Variants in SEPTIN9 observed in about 807,000 individuals in gnomAD.
The protein encoded by SEPTIN9 is septin-9.
Under a neutral mutation model 56.6 loss-of-function variants are expected in SEPTIN9, and 13 were observed. The ratio of observed to expected loss-of-function variants is 0.23; its 90% CI spans 0.15 to 0.37. The LOEUF (loss-of-function observed/expected upper bound fraction) is 0.37, where lower values mean the gene tolerates loss of function less well. Ranked by LOEUF, SEPTIN9 falls within the 10% of genes least tolerant of loss-of-function variation. SEPTIN9 has a pLI of 1.00. For missense variants in SEPTIN9, 650 were observed against 823.1 expected, an observed-to-expected ratio of 0.79 and a Z score of 2.57; for synonymous variants, 332 against 334.1, an observed-to-expected ratio of 0.99 and a Z score of 0.07.
At chr17:77,457,227 G>A (rs1467949452) in intron 3 of SEPTIN9, among the ~76,000 whole-genome samples, 2 of 152,132 alleles carry the variant, frequency 1.3e-5, no homozygotes, top group Non-Finnish European at 2.9e-5. Context: ...CTCGGCCCTC[G>A]CTCTGGCTGC....
At chr17:77,325,516 C>T (rs760749443) in intron 2 of SEPTIN9, among the ~76,000 whole-genome samples, 30 of 152,154 alleles carry the variant, frequency 2.0e-4, no homozygotes, top group Non-Finnish European at 2.8e-4. Context: ...TGCTCCCTAC[C>T]GGGAAAGCCT....
At chr17:77,462,192 G>A (rs377756301) in intron 3 of SEPTIN9, among the ~76,000 whole-genome samples, 6 of 152,312 alleles carry the variant, frequency 3.9e-5, no homozygotes, top group East Asian at 1.9e-4. Context: ...ACTTGACACC[G>A]AGCCTTCATA....
intron 3 of SEPTIN9, among the ~76,000 whole-genome samples, chr17:77,424,843 G>C (rs1568058715): frequency 6.6e-6 from 1 of 152,192 alleles, no homozygotes; most frequent in Admixed American, 6.5e-5. Flanking sequence ...GGGCCCCCAA[G>C]TGAATGGGCA....
chr17:77,355,461 G>A (rs2034198516), intron 2 of SEPTIN9, among the ~76,000 whole-genome samples: 1 of 152,200 alleles, frequency 6.6e-6, no homozygotes, highest in Non-Finnish European at 1.5e-5. Context: ...TTCTGCCCCT[G>A]CACATTAGCC....
rs1322731727 is a variant in SEPTIN9, at chr17:77,329,374, C to T, written c.76+22177C>T. Among the ~76,000 whole-genome samples, 1 of 152,226 alleles carries T rather than the reference C, an allele frequency of 6.6e-6. No individual in the cohort carries two copies. Among genetic ancestry groups the T allele is most frequent in the Admixed American group, 6.5e-5 (1 of 15,290 alleles). ...GAGGCCACTGGATGCTGACAGGTGG[C>T]CGGCCCTGCCCAGCCTTGCACTGCC... is the stretch of plus-strand genomic sequence containing the variant. On this transcript the variant is annotated intron_variant, in intron 2 of 11. Coordinates refer to ENST00000427177, the MANE Select transcript of SEPTIN9 (RefSeq NM_001113491.2). The surrounding 1 kb of genome is among the most constrained non-coding windows in gnomAD (Gnocchi z 4.3).
In SEPTIN9 at chr17:77,319,924, T is replaced by C. The variant is rs2032843773; in HGVS notation, c.76+12727T>C. The stretch of plus-strand genomic sequence containing the variant: ...GAGAGGAGGCTGCCGGAAGCCGCAC[T>C]CGGGACCTCTGCAGCCACCGACCAG... On this transcript the variant is annotated intron_variant, in intron 2 of 11. Transcript: ENST00000427177. The surrounding 1 kb of genome is among the most constrained non-coding windows in gnomAD (Gnocchi z 5.3). The C allele has an allele frequency of 8.9e-7, 1 of 1,121,114 alleles. No individual in the cohort carries two copies. The highest frequency in any genetic ancestry group is 1.1e-6 in the Non-Finnish European group (1 of 914,194). The allele number at this position is 1,121,114 out of a possible 1,614,324, so 69.4% of individuals were successfully genotyped here. A position where few individuals can be genotyped will look rare whatever the true frequency, so the allele number is the denominator to read the frequency against.
chr17:77,473,494 G>C (rs568818916), intron 3 of SEPTIN9, among the ~76,000 whole-genome samples: 1 of 152,228 alleles, frequency 6.6e-6, no homozygotes, highest in East Asian at 1.9e-4. Flanking sequence ...CGGCCTCCCA[G>C]AGTGCCAAGT....
chr17:77,412,129 CAAAA>C (rs756030644), intron 3 of SEPTIN9, among the ~76,000 whole-genome samples: 806 of 67,362 alleles, frequency 0.012, 8 homozygotes, highest in African/African-American at 0.034. Flanking sequence ...GACTCCCTAT[CAAAA>C]AAAAAAAAAA....
rs372012553 is a variant in SEPTIN9, at chr17:77,401,940, G to A, written c.77-119G>A. 3 of 982,720 alleles carry A rather than the reference G, an allele frequency of 3.1e-6. No homozygotes were observed. The South Asian group carries it at 5.0e-5, about 16-fold the overall frequency. The allele number at this position is 982,720 out of a possible 1,614,324, so 60.9% of individuals were successfully genotyped here. On this transcript the variant is annotated intron_variant, in intron 2 of 11. Transcript: ENST00000427177. ...TGCTGAGACATGAAGGACGGGAAGA[G>A]ACCCCCGGCCCTCACCGCCGCATCG...
intron 2 of SEPTIN9, chr17:77,380,282 C>T: frequency 8.7e-6 from 1 of 115,094 alleles, no homozygotes; most frequent in Non-Finnish European, 2.0e-5. Context: ...CCCATGCCTG[C>T]CTCCACTGCT....
At chr17:77,360,663 C>T (rs2034386247) in intron 2 of SEPTIN9, among the ~76,000 whole-genome samples, 1 of 151,862 alleles carries the variant, frequency 6.6e-6, no homozygotes, top group Admixed American at 6.6e-5. Context: ...CTCCCTGGTT[C>T]ACACCATTCT....
chr17:77,344,585 C>T (rs945448129), intron 2 of SEPTIN9, among the ~76,000 whole-genome samples: 1 of 152,290 alleles, frequency 6.6e-6, no homozygotes, highest in African/African-American at 2.4e-5. Flanking sequence ...TTTCCCATAA[C>T]CAAAAGATGC....
intron 3 of SEPTIN9, chr17:77,428,875 ACT>A (rs767626080): frequency 7.7e-4 from 312 of 406,524 alleles, no homozygotes; most frequent in Non-Finnish European, 9.4e-4. Flanking sequence ...CAGGTTATTG[ACT>A]CTGAATTTGC....
At chr17:77,357,997 G>C (rs970260307) in intron 2 of SEPTIN9, among the ~76,000 whole-genome samples, 1 of 152,176 alleles carries the variant, frequency 6.6e-6, no homozygotes, top group African/African-American at 2.4e-5. Context: ...AAATAATGAG[G>C]GCTACCAGTT....
chr17:77,379,210 CACCCCCAT>C (rs1176734857), intron 2 of SEPTIN9, among the ~76,000 whole-genome samples: 1 of 152,090 alleles, frequency 6.6e-6, no homozygotes, highest in African/African-American at 2.4e-5. Flanking sequence ...ATCCACTGAG[CACCCCCAT>C]ACCCCTACAC....
chr17:77,390,727 A>G (rs2144033549), intron 2 of SEPTIN9, among the ~76,000 whole-genome samples: 1 of 152,262 alleles, frequency 6.6e-6, no homozygotes, highest in South Asian at 2.1e-4. Flanking sequence ...CTGGGATTAC[A>G]GGCGTGAGCC....
intron 2 of SEPTIN9, among the ~76,000 whole-genome samples, chr17:77,343,356 C>T (rs1383256333): frequency 1.3e-5 from 2 of 152,188 alleles, no homozygotes; most frequent in Admixed American, 6.5e-5. Flanking sequence ...TGTAGAGTTT[C>T]AGGTTGTTGA....
intron 2 of SEPTIN9, among the ~76,000 whole-genome samples, chr17:77,345,461 C>G (rs1172818672): frequency 6.6e-6 from 1 of 152,180 alleles, no homozygotes. Flanking sequence ...GTGTGACTGC[C>G]ACAGAAACCT....
In SEPTIN9 at chr17:77,473,306, TAG is replaced by T. The variant is rs375962787; in HGVS notation, c.722-8833_722-8832del. On this transcript the variant is annotated intron_variant, in intron 3 of 11. Coordinates refer to ENST00000427177, the MANE Select transcript of SEPTIN9 (RefSeq NM_001113491.2). ...AACTTTGTGTGTGTGGTCAAAAGTT[TAG>T]AGAGTGCTGCAGGTAATGCTGAGAT... Among the ~76,000 whole-genome samples the T allele has an allele frequency of 4.8e-4, 73 of 152,380 alleles. No individual in the cohort carries two copies. The South Asian group carries it at 0.013, about 28-fold the overall frequency.
Sources: allele counts gnomAD v4.1 joint callset (sites outside exome capture counted in the v4.1 genomes callset), GRCh38; gene constraint gnomAD v4.1.1; non-coding constraint Gnocchi (gnomAD v3.1); transcripts MANE v1.5; gene names NCBI Gene and HGNC (gene_info 2026-07-23, HGNC 2026-07-21).